Variants in HMCN2 observed in about 807,000 individuals in gnomAD.
The protein encoded by HMCN2 is hemicentin 2.
In HMCN2, 325 loss-of-function variants were observed where a neutral mutation model predicts 377.5. The ratio of observed to expected loss-of-function variants is 0.86; its 90% confidence interval spans 0.79 to 0.94. The LOEUF is 0.94. HMCN2 is among the 40% of genes least tolerant of loss of function. HMCN2 has a pLI of 0.00. For missense variants in HMCN2, 4,543 were observed against 4,725.3 expected, an observed-to-expected ratio of 0.96 and a Z score of 1.13; for synonymous variants, 2,007 against 2,046.8, an observed-to-expected ratio of 0.98 and a Z score of 0.53.
chr9:130,351,496 G>T lies in HMCN2; in HGVS notation c.4504G>T (p.Val1502Leu). ...GGTTCTCAGGATCACCGGCAGTCAC[G>T]TGGGGGATGAGGGACGATACCAGTG... ...GQVLRITGSHVGDEGRYQCVA... is the reference protein window; with the variant it reads ...GQVLRITGSHLGDEGRYQCVA... Residue 1502 changes from valine to leucine, a missense_variant, in exon 30 of 98, where the codon GTG becomes TTG. Physicochemically the swap from Val to Leu is conservative, Grantham distance 32. Around this residue, in one of 5 missense-constraint regions of HMCN2, gnomAD observed 1,032 missense variants for 1,285.1 expected, o/e 0.80. Coordinates refer to ENST00000683500, the MANE Select transcript of HMCN2 (RefSeq NM_001291815.2). This position sits in a 1 kb window ranked among gnomAD's most constrained non-coding sequence, Gnocchi z 5.4. 1.5e-6 allele frequency: 2 copies of T among 1,304,292 alleles called. No individual in the cohort carries two copies. 80.8% of individuals were successfully genotyped at this position (1,304,292 alleles called of 1,614,324 possible).
chr9:130,369,526 G>GC lies in HMCN2; in HGVS notation c.6788-40dup, dbSNP rs569153058. On this transcript the variant is annotated intron_variant, in intron 44 of 97. Coordinates refer to ENST00000683500, the MANE Select transcript of HMCN2 (RefSeq NM_001291815.2). The surrounding 1 kb of genome is among the most constrained non-coding windows in gnomAD (Gnocchi z 4.5). ...CGGGGTAAGTGTGTGGTGCCTGGTGGCCCCAGCAGCTTTCTCTGATGGGCT... is the reference window on the plus strand; with the variant it reads ...CGGGGTAAGTGTGTGGTGCCTGGTGGCCCCCAGCAGCTTTCTCTGATGGGCT... The GC allele has an allele frequency of 1.4e-4, 138 of 975,616 alleles. No individual in the cohort carries two copies. The African/African-American group carries it at 2.3e-3, about 16-fold the overall frequency. The allele number at this position is 975,616 out of a possible 1,614,324, so 60.4% of individuals were successfully genotyped here.
chr9:130,393,332 AG>A lies in HMCN2; in HGVS notation c.10234+28del. The A allele has an allele frequency of 1.0e-6, 1 of 989,880 alleles. No individual in the cohort carries two copies. Among genetic ancestry groups the A allele is most frequent in the Non-Finnish European group, 1.2e-6 (1 of 830,706 alleles). The allele number at this position is 989,880 out of a possible 1,614,324, so 61.3% of individuals were successfully genotyped here. ...AGGGTATGGAGCAGGGGGTGGGGCA[AG>A]GGGGTCTCTGGCCTTGGTGGGTGAG... On this transcript the variant is annotated intron_variant, in intron 67 of 97. Coordinates refer to ENST00000683500, the MANE Select transcript of HMCN2 (RefSeq NM_001291815.2). The surrounding 1 kb of genome is among the most constrained non-coding windows in gnomAD (Gnocchi z 5.2).
In HMCN2 at chr9:130,395,079, T is replaced by C. The variant is rs768665633; in HGVS notation, c.10745T>C (p.Ile3582Thr). 2.7e-5 allele frequency: 34 copies of C among 1,274,318 alleles called. No individual in the cohort carries two copies. In the South Asian group the frequency reaches 3.8e-4, roughly 14 times the overall value. The allele number at this position is 1,274,318 out of a possible 1,614,324, so 78.9% of individuals were successfully genotyped here. Reference sequence around the variant, plus strand: ...CTGGCTGAAAGCCCTGCAGGTGCAATTGAGAAGAGCTTCCGGGTCAGGGTT... The same window carrying C: ...CTGGCTGAAAGCCCTGCAGGTGCAACTGAGAAGAGCTTCCGGGTCAGGGTT... ...TCLAESPAGA[I>T]EKSFRVRVQA... is the part of the protein sequence containing the mutation. The change falls in exon 70 of 98, where the codon ATT becomes ACT. Residue 3582 changes from isoleucine to threonine, a missense_variant. Coordinates refer to ENST00000683500, the MANE Select transcript of HMCN2 (RefSeq NM_001291815.2).
intron 47 of HMCN2, 94 bp downstream of exon 47, chr9:130,372,501 C>T (rs753836038): frequency 5.1e-5 from 14 of 272,918 alleles, no homozygotes; most frequent in Non-Finnish European, 7.8e-5. Flanking sequence ...ATGGCTCATG[C>T]TGTAGCAGGG....
In HMCN2 at chr9:130,374,655, T is replaced by C. The variant is rs867031006; in HGVS notation, c.7592T>C (p.Val2531Ala). Residue 2531 changes from valine to alanine, a missense_variant, in exon 49 of 98, where the codon GTT becomes GCT. By Grantham distance (64) the Val-to-Ala change is moderately conservative. This residue lies in a region of HMCN2 where 736 missense variants were observed against 773.2 expected (regional missense o/e 0.95). Transcript: ENST00000683500. ...GHYSCIAANAVGEKTKHFQLS... is the reference protein window; with the variant it reads ...GHYSCIAANAAGEKTKHFQLS... ...TACTCCTGCATTGCAGCCAACGCTG[T>C]TGGGGAGAAGACCAAACACTTCCAG... is the stretch of plus-strand genomic sequence containing the variant. The C allele has an allele frequency of 4.1e-6, 4 of 985,688 alleles. No individual in the cohort carries two copies. Among genetic ancestry groups the C allele is most frequent in the South Asian group, 4.7e-5 (1 of 21,292 alleles). The allele number at this position is 985,688 out of a possible 1,614,324, so 61.1% of individuals were successfully genotyped here. A position where few individuals can be genotyped will look rare whatever the true frequency, so the allele number is the denominator to read the frequency against.
rs986943018 is a variant in HMCN2 at position 130,391,375 on chromosome 9, C to T, written c.9827+12C>T. 2.0e-5 allele frequency: 20 copies of T among 987,724 alleles called. No individual in the cohort carries two copies. The highest frequency in any genetic ancestry group is 2.0e-5 in the Non-Finnish European group (17 of 830,132). The allele number at this position is 987,724 out of a possible 1,614,324, so 61.2% of individuals were successfully genotyped here. ...GGCCCCCACCTCCGGTAAGACTTGGCCCATGCCCTCCCCAGAGGCGGTAGG... is the reference window on the plus strand; with the variant it reads ...GGCCCCCACCTCCGGTAAGACTTGGTCCATGCCCTCCCCAGAGGCGGTAGG... On this transcript the variant is annotated intron_variant, in intron 64 of 97. Coordinates refer to ENST00000683500, the MANE Select transcript of HMCN2 (RefSeq NM_001291815.2).
chr9:130,378,913 AT>A (rs1309625511), intron 53 of HMCN2, among the ~76,000 whole-genome samples: 2 of 152,112 alleles, frequency 1.3e-5, no homozygotes, highest in Non-Finnish European at 2.9e-5. Context: ...AAAGCTGATG[AT>A]TTTGTGCCTC....
intron 18 of HMCN2, among the ~76,000 whole-genome samples, 194 bp downstream of exon 18, chr9:130,321,097 C>T (rs968498560): frequency 8.5e-5 from 13 of 152,308 alleles, no homozygotes; most frequent in African/African-American, 2.2e-4. Flanking sequence ...TCTAAAGTCC[C>T]GCCGGCTGTC....
At position 130,406,205 on chromosome 9, in the gene HMCN2, AGGACACC is replaced by A. The variant is rs927729964; in HGVS notation, c.12553+40_12553+46del. 10 of 1,285,920 alleles carry A rather than the reference AGGACACC, an allele frequency of 7.8e-6. No homozygotes were observed. The African/African-American group carries it at 1.2e-4, about 16-fold the overall frequency. 79.7% of individuals were successfully genotyped at this position (1,285,920 alleles called of 1,614,324 possible). ...CTGGGCATGGGTGGGACAGAGAGCC[AGGACACC>A]GGGAGGTTAAGAAGGGAGGGCAGGT... On this transcript the variant is annotated intron_variant, in intron 82 of 97. Transcript: ENST00000683500.
At chr9:130,343,942 G>A (rs1016741397) in intron 25 of HMCN2, among the ~76,000 whole-genome samples, 5 of 152,210 alleles carry the variant, frequency 3.3e-5, no homozygotes, top group African/African-American at 1.2e-4. Flanking sequence ...GGGGTGGGGC[G>A]TGAAGGCCCA....
Position 130,428,335 on chromosome 9 carries a change from C to T in HMCN2, c.14066-23C>T, listed in dbSNP as rs567726527. 73 of 1,529,874 alleles carry T rather than the reference C, an allele frequency of 4.8e-5. 1 individual carries two copies. Among genetic ancestry groups the T allele is most frequent in the East Asian group, 4.0e-4 (16 of 40,502 alleles). 94.8% of individuals were successfully genotyped at this position (1,529,874 alleles called of 1,614,324 possible). A position where few individuals can be genotyped will look rare whatever the true frequency, so the allele number is the denominator to read the frequency against. ...CGCCTGGGGATCATGTTCACACAGC[C>T]GTCTGCCCTGATCTGCCCCCAGATG... On this transcript the variant is annotated intron_variant, in intron 92 of 97. Coordinates refer to ENST00000683500, the MANE Select transcript of HMCN2 (RefSeq NM_001291815.2). This position sits in a 1 kb window ranked among gnomAD's most constrained non-coding sequence, Gnocchi z 5.0.
At chr9:130,379,510 C>A in intron 54 of HMCN2, 43 bp downstream of exon 54, 1 of 896,900 alleles carries the variant, frequency 1.1e-6, no homozygotes, top group Non-Finnish European at 1.3e-6. Context: ...TTTGAGCTCT[C>A]CTGTGTGCTG....
At chr9:130,415,115 G>A (rs773591626) in intron 85 of HMCN2, among the ~76,000 whole-genome samples, 3 of 152,108 alleles carry the variant, frequency 2.0e-5, no homozygotes, top group African/African-American at 2.4e-5. Flanking sequence ...AGGCCACGTG[G>A]GGAACCCGGA....
At chr9:130,287,367 C>T (rs1331280653) in intron 4 of HMCN2, among the ~76,000 whole-genome samples, 3 of 152,036 alleles carry the variant, frequency 2.0e-5, no homozygotes, top group African/African-American at 7.3e-5. Flanking sequence ...TCTTCGAGCT[C>T]CTCCTCTCCT....
At position 130,279,103 on chromosome 9, in the gene HMCN2, G is replaced by A. The variant is rs7849426; in HGVS notation, c.260-5500G>A. Among the ~76,000 whole-genome samples, 171 of 150,092 alleles carry A rather than the reference G, an allele frequency of 1.1e-3. 3 individuals carry two copies. Among genetic ancestry groups the A allele is most frequent in the Admixed American group, 0.01 (151 of 14,988 alleles). The stretch of plus-strand genomic sequence containing the variant: ...AGTAGAGACAGGGTTTCACCATGTT[G>A]GTCAGGCTGATGGTCTCGAACTCCT... On this transcript the variant is annotated intron_variant, in intron 1 of 97. Coordinates refer to ENST00000683500, the MANE Select transcript of HMCN2 (RefSeq NM_001291815.2).
intron 40 of HMCN2, 24 bp from the exon 41 acceptor site, chr9:130,364,690 C>A (rs996069453): frequency 2.0e-6 from 2 of 985,098 alleles, no homozygotes; most frequent in Non-Finnish European, 2.4e-6. Flanking sequence ...CCTGAGGGAG[C>A]CCTTCTCCTG....
rs1353452700 is a variant in HMCN2, at chr9:130,423,611, A to G, written c.13381+885A>G. On this transcript the variant is annotated intron_variant, in intron 87 of 97. Coordinates refer to ENST00000683500, the MANE Select transcript of HMCN2 (RefSeq NM_001291815.2). This position sits in a 1 kb window ranked among gnomAD's most constrained non-coding sequence, Gnocchi z 5.5. ...GGCTGGGAAGGTGGTGCCCATGCAC[A>G]GGGGCCTGGCCAGCTCCTGTGAACC... 6.6e-6 allele frequency among the ~76,000 whole-genome samples: 1 copy of G among 152,192 alleles called. No individual in the cohort carries two copies. Among genetic ancestry groups the G allele is most frequent in the African/African-American group, 2.4e-5 (1 of 41,462 alleles).
chr9:130,267,679 G>A (rs1391402062), intron 1 of HMCN2, among the ~76,000 whole-genome samples: 1 of 152,254 alleles, frequency 6.6e-6, no homozygotes, highest in South Asian at 2.1e-4. Context: ...TTGTGGTCTA[G>A]GGGCTTGGAG....
chr9:130,346,090 G>A (rs1486758973), intron 25 of HMCN2, among the ~76,000 whole-genome samples: 1 of 152,168 alleles, frequency 6.6e-6, no homozygotes, highest in African/African-American at 2.4e-5. Flanking sequence ...GGTAGCAGCA[G>A]AAGGCGGGTG....
Sources: allele counts gnomAD v4.1 joint callset (sites outside exome capture counted in the v4.1 genomes callset), GRCh38; gene constraint gnomAD v4.1.1; regional missense constraint gnomAD v4.1.1; non-coding constraint Gnocchi (gnomAD v3.1); transcripts MANE v1.5; gene names NCBI Gene and HGNC (gene_info 2026-07-23, HGNC 2026-07-21).